CHSY3: variants seen among roughly 807,000 people sequenced by gnomAD.
CHSY3 encodes chondroitin sulfate synthase 3.
CHSY3 carries 35 observed loss-of-function variants against 67.2 expected under a neutral mutation model. The observed-to-expected ratio is 0.52, with a 90% CI of 0.40 to 0.69. CHSY3 has a LOEUF of 0.69. Among genes scored for constraint, CHSY3 ranks in the 30% least tolerant of loss-of-function variants. The probability of loss-of-function intolerance (pLI) is 0.00; values close to 1 mark genes in which losing one functional copy is unlikely to be tolerated. For missense variants in CHSY3, 1,069 were observed against 1,138.5 expected (o/e 0.94, Z 0.88); for synonymous variants, 474 against 434.7 (o/e 1.09, Z -1.12).
chr5:130,158,844 A>G lies in CHSY3; in HGVS notation c.1087-25385A>G, dbSNP rs187246723. 2.1e-3 allele frequency among the ~76,000 whole-genome samples: 327 copies of G among 152,218 alleles called. 6 individuals carry two copies. In the South Asian group the frequency reaches 0.036, roughly 17 times the overall value. ...AGACAGGATCTCCATCTGTTGGCCA[A>G]GCTGGAGTGCAGTGCTATGATCACA... On this transcript the variant is annotated intron_variant, in intron 2 of 2. Coordinates refer to ENST00000305031, the MANE Select transcript of CHSY3 (RefSeq NM_175856.5).
intron 2 of CHSY3, among the ~76,000 whole-genome samples, chr5:130,014,020 C>G (rs1349917707): frequency 6.6e-6 from 1 of 152,202 alleles, no homozygotes; most frequent in Non-Finnish European, 1.5e-5. Flanking sequence ...CCCTAAAGCA[C>G]TGCACAATGC....
At chr5:130,083,218 A>G (rs1766500709) in intron 2 of CHSY3, among the ~76,000 whole-genome samples, 1 of 151,986 alleles carries the variant, frequency 6.6e-6, no homozygotes, top group Admixed American at 6.6e-5. Context: ...TTGGTCTCCT[A>G]TCAATTATTT....
At chr5:129,962,749 C>T (rs1423034236) in intron 2 of CHSY3, among the ~76,000 whole-genome samples, 1 of 151,890 alleles carries the variant, frequency 6.6e-6, no homozygotes. Flanking sequence ...TGGACTCTGG[C>T]TTTTTTTGTA....
At chr5:130,180,189 T>C (rs1186924760) in intron 2 of CHSY3, among the ~76,000 whole-genome samples, 1 of 152,082 alleles carries the variant, frequency 6.6e-6, no homozygotes, top group East Asian at 1.9e-4. Flanking sequence ...CATTTCCCCC[T>C]GTTTCCAAAT....
chr5:130,076,203 T>C (rs1429217891), intron 2 of CHSY3, among the ~76,000 whole-genome samples: 1 of 151,736 alleles, frequency 6.6e-6, no homozygotes, highest in Non-Finnish European at 1.5e-5. Flanking sequence ...TATAAGCATC[T>C]AACTAAGATG....
At chr5:130,021,884 T>C (rs1452041510) in intron 2 of CHSY3, among the ~76,000 whole-genome samples, 1 of 152,118 alleles carries the variant, frequency 6.6e-6, no homozygotes, top group Non-Finnish European at 1.5e-5. Flanking sequence ...TAGTCATCAT[T>C]TCTATTGTTT....
At chr5:130,165,702 T>G (rs1398601692) in intron 2 of CHSY3, among the ~76,000 whole-genome samples, 10 of 152,030 alleles carry the variant, frequency 6.6e-5, no homozygotes, top group Non-Finnish European at 2.9e-5. Context: ...TGCACACATA[T>G]ATCTGAACAC....
chr5:129,959,528 A>T (rs1762270827), intron 2 of CHSY3, among the ~76,000 whole-genome samples: 1 of 152,154 alleles, frequency 6.6e-6, no homozygotes, highest in Non-Finnish European at 1.5e-5. Flanking sequence ...TTTGCATGTA[A>T]AACTATAAGA....
intron 2 of CHSY3, among the ~76,000 whole-genome samples, chr5:130,095,302 G>A (rs1161623781): frequency 2.0e-5 from 3 of 152,056 alleles, no homozygotes; most frequent in African/African-American, 7.2e-5. Context: ...AAAAATACTC[G>A]GGGTCCTTGG....
Position 129,955,114 on chromosome 5 carries a change from A to G in CHSY3, c.1086+46754A>G, listed in dbSNP as rs1762134575. On this transcript the variant is annotated intron_variant, in intron 2 of 2. Coordinates refer to ENST00000305031, the MANE Select transcript of CHSY3 (RefSeq NM_175856.5). ...AGTCTCCTGACCTTGTGATCTGCCC[A>G]CCTTGGCCTCCCAAAGTGTTGGGAT... 2.0e-5 allele frequency among the ~76,000 whole-genome samples: 3 copies of G among 152,052 alleles called. No individual in the cohort carries two copies. The South Asian group carries it at 6.2e-4, about 32-fold the overall frequency.
At chr5:129,907,981 T>G in intron 1 of CHSY3, 96 bp from the exon 2 acceptor site, 1 of 1,496,804 alleles carries the variant, frequency 6.7e-7, no homozygotes, top group Non-Finnish European at 8.9e-7. Flanking sequence ...GACTGAGGAT[T>G]TTAAGCACAA....
chr5:130,160,320 A>T (rs1769493997), intron 2 of CHSY3, among the ~76,000 whole-genome samples: 1 of 152,058 alleles, frequency 6.6e-6, no homozygotes, highest in Non-Finnish European at 1.5e-5. Flanking sequence ...CTCACTACCA[A>T]ATCCTCAGTC....
Position 129,908,380 on chromosome 5 carries a change from G to T in CHSY3, c.1086+20G>T. The T allele has an allele frequency of 6.2e-7, 1 of 1,611,832 alleles. No homozygotes were observed. The highest frequency in any genetic ancestry group is 8.5e-7 in the Non-Finnish European group (1 of 1,178,380). On this transcript the variant is annotated intron_variant, in intron 2 of 2. Coordinates refer to ENST00000305031, the MANE Select transcript of CHSY3 (RefSeq NM_175856.5). ...TACGAGGTAAGCATGGAGCTGTGAT[G>T]AAAATGTTCACATAGTACATATACA...
intron 2 of CHSY3, among the ~76,000 whole-genome samples, chr5:130,172,314 TCTTTTC>T (rs1561569319): frequency 5.4e-5 from 1 of 18,562 alleles, no homozygotes. Flanking sequence ...TTTTTTCTTT[TCTTTTC>T]TTTTCTTTTT....
At chr5:130,115,809 CACTT>C (rs922210642) in intron 2 of CHSY3, among the ~76,000 whole-genome samples, 4 of 152,204 alleles carry the variant, frequency 2.6e-5, no homozygotes, top group Non-Finnish European at 4.4e-5. Flanking sequence ...TACATACTGA[CACTT>C]ACAGCAGAGC....
Position 129,904,815 on chromosome 5 carries a change from C to T in CHSY3, c.-15C>T. On this transcript the variant is annotated 5_prime_UTR_variant, in exon 1 of 3. Transcript: ENST00000305031. ...CGCGACAGCCCAGCGAGCGTCCGCG[C>T]CCGGGACAGCCGCGATGGCTGTGCG... 2 of 1,378,188 alleles carry T rather than the reference C, an allele frequency of 1.5e-6. No individual in the cohort carries two copies. The highest frequency in any genetic ancestry group is 3.0e-5 in the East Asian group (1 of 33,762). The allele number at this position is 1,378,188 out of a possible 1,614,324, so 85.4% of individuals were successfully genotyped here.
intron 2 of CHSY3, among the ~76,000 whole-genome samples, chr5:130,099,058 A>G (rs2863821): frequency 0.61 from 92,566 of 152,004 alleles, 28,816 homozygotes; most frequent in East Asian, 0.74. Context: ...GGGCAGAGCA[A>G]TGTCTGTAAT....
At chr5:130,020,419 C>G (rs1259840112) in intron 2 of CHSY3, among the ~76,000 whole-genome samples, 2 of 74,668 alleles carry the variant, frequency 2.7e-5, no homozygotes, top group East Asian at 3.7e-4. Flanking sequence ...GACTTCATCT[C>G]AAAATATATA....
rs968855960 is a variant in CHSY3 at position 130,016,421 on chromosome 5, T to G, written c.1086+108061T>G. Among the ~76,000 whole-genome samples the G allele has an allele frequency of 2.0e-5, 3 of 152,188 alleles. No homozygotes were observed. In the South Asian group the frequency reaches 6.2e-4, roughly 32 times the overall value. On this transcript the variant is annotated intron_variant, in intron 2 of 2. Coordinates refer to ENST00000305031, the MANE Select transcript of CHSY3 (RefSeq NM_175856.5). ...GTAGTATTTTATTTTATTTTATTAT[T>G]ATTTTTTGAGACGAAGTCTCGCTCT...
Sources: gnomAD v4.1 joint callset for allele counts (sites outside exome capture counted in the v4.1 genomes callset) on GRCh38, gnomAD v4.1.1 for gene constraint, MANE v1.5 for transcripts, NCBI Gene and HGNC (gene_info 2026-07-23, HGNC 2026-07-21) for gene names.